NPFFR2: variants seen among roughly 807,000 people sequenced by gnomAD.
NPFFR2 encodes the protein G-protein coupled receptor 74.
Under a neutral mutation model 13.1 loss-of-function variants are expected in NPFFR2, and 15 were observed. That is an observed-to-expected ratio of 1.15 (90% confidence interval 0.77 to 1.76). The LOEUF is 1.76. Among genes scored for constraint, NPFFR2 ranks in the 40% most tolerant of loss-of-function variants. The pLI is 0.00. For missense variants in NPFFR2, 572 were observed against 503.5 expected (o/e 1.14, Z -1.30); for synonymous variants, 190 against 175.7 (o/e 1.08, Z -0.65).
chr4:72,079,885 T>C (rs1720555476), intron 1 of NPFFR2, among the ~76,000 whole-genome samples: 1 of 152,150 alleles, frequency 6.6e-6, no homozygotes, highest in African/African-American at 2.4e-5. Context: ...GATTGTCAGA[T>C]TTTACTTGTT....
intron 1 of NPFFR2, among the ~76,000 whole-genome samples, chr4:72,102,417 T>C (rs1250969720): frequency 6.6e-6 from 1 of 152,078 alleles, no homozygotes; most frequent in African/African-American, 2.4e-5. Flanking sequence ...AGGGTACGTA[T>C]GCACAACATG....
At chr4:72,078,770 A>G (rs1720514736) in intron 1 of NPFFR2, among the ~76,000 whole-genome samples, 1 of 152,156 alleles carries the variant, frequency 6.6e-6, no homozygotes, top group Non-Finnish European at 1.5e-5. Flanking sequence ...AAACATACCC[A>G]AATTTTTGAC....
intron 1 of NPFFR2, among the ~76,000 whole-genome samples, chr4:72,110,215 G>A (rs934361321): frequency 1.3e-5 from 2 of 151,828 alleles, no homozygotes; most frequent in African/African-American, 4.8e-5. Context: ...TTTTATAAGG[G>A]GCTTTTCCCT....
Position 72,067,382 on chromosome 4 carries a change from C to T in NPFFR2, c.-8+35182C>T, listed in dbSNP as rs1234380356. ...TCTTCCAGCTTTTCTGTTCTCAAGG[C>T]CTAGCACTCTGGGTGTTTGATGGGT... On this transcript the variant is annotated intron_variant, in intron 1 of 3. Transcript: ENST00000308744. 2.6e-5 allele frequency among the ~76,000 whole-genome samples: 4 copies of T among 152,148 alleles called. No individual in the cohort carries two copies. In the East Asian group the frequency reaches 7.7e-4, roughly 29 times the overall value.
chr4:72,032,831 A>C (rs1718960636), intron 1 of NPFFR2, among the ~76,000 whole-genome samples: 1 of 152,148 alleles, frequency 6.6e-6, no homozygotes, highest in Non-Finnish European at 1.5e-5. Flanking sequence ...GAGGAGAGGA[A>C]AATGATCTTC....
chr4:72,088,661 A>G (rs1203236401), intron 1 of NPFFR2, among the ~76,000 whole-genome samples: 4 of 152,006 alleles, frequency 2.6e-5, no homozygotes, highest in African/African-American at 9.7e-5. Flanking sequence ...GGGAAGCAAC[A>G]CGTCTTACAT....
At chr4:72,072,694 A>G (rs1720294968) in intron 1 of NPFFR2, among the ~76,000 whole-genome samples, 1 of 152,146 alleles carries the variant, frequency 6.6e-6, no homozygotes, top group South Asian at 2.1e-4. Flanking sequence ...ATAATGAAAG[A>G]TATGGAAATA....
intron 1 of NPFFR2, among the ~76,000 whole-genome samples, chr4:72,121,659 T>C (rs1360470803): frequency 6.6e-6 from 1 of 152,166 alleles, no homozygotes; most frequent in African/African-American, 2.4e-5. Flanking sequence ...CTAAGCTTCA[T>C]AAGTGAAGGA....
intron 1 of NPFFR2, among the ~76,000 whole-genome samples, chr4:72,043,279 CTAGGGTAG>C: frequency 7.3e-6 from 1 of 137,636 alleles, no homozygotes; most frequent in South Asian, 2.3e-4. Context: ...GGAGAACCTG[CTAGGGTAG>C]TGCAGAAGGG....
At chr4:72,117,693 C>T (rs1174881999) in intron 1 of NPFFR2, among the ~76,000 whole-genome samples, 1 of 152,168 alleles carries the variant, frequency 6.6e-6, no homozygotes, top group Non-Finnish European at 1.5e-5. Flanking sequence ...AAGATGTTCC[C>T]TCACTTCCAA....
chr4:72,093,162 A>G (rs1241170870), intron 1 of NPFFR2, among the ~76,000 whole-genome samples: 2 of 152,174 alleles, frequency 1.3e-5, no homozygotes, highest in Non-Finnish European at 2.9e-5. Context: ...TAGGACCCCA[A>G]CCCTTTTAGC....
At chr4:72,041,025 G>T (rs890035018) in intron 1 of NPFFR2, among the ~76,000 whole-genome samples, 2 of 151,790 alleles carry the variant, frequency 1.3e-5, no homozygotes, top group African/African-American at 4.8e-5. Flanking sequence ...TATTCAGGGG[G>T]TACATGTGCT....
chr4:72,142,499 C>G (rs1204948047), intron 3 of NPFFR2, among the ~76,000 whole-genome samples: 1 of 152,096 alleles, frequency 6.6e-6, no homozygotes, highest in African/African-American at 2.4e-5. Context: ...CAGAAATAAC[C>G]CATCTTCTGC....
In NPFFR2 at chr4:72,051,010, CATT is replaced by C. The variant is rs564250358; in HGVS notation, c.-8+18811_-8+18813del. ...GCTACATTTTCTTAATCCAGTCTAT[CATT>C]GTTGTACATTTGGGTTGGTTCCAAG... On this transcript the variant is annotated intron_variant, in intron 1 of 3. Coordinates refer to ENST00000308744, the MANE Select transcript of NPFFR2 (RefSeq NM_004885.3). Among the ~76,000 whole-genome samples the C allele has an allele frequency of 3.1e-3, 477 of 152,062 alleles. 3 individuals are homozygous for C. The highest frequency in any genetic ancestry group is 0.011 in the African/African-American group (440 of 41,484).
At chr4:72,093,007 T>C (rs1393082840) in intron 1 of NPFFR2, among the ~76,000 whole-genome samples, 1 of 152,058 alleles carries the variant, frequency 6.6e-6, no homozygotes, top group Non-Finnish European at 1.5e-5. Flanking sequence ...CCTTTTAACA[T>C]TTTTTATAGT....
intron 1 of NPFFR2, among the ~76,000 whole-genome samples, chr4:72,085,427 G>A (rs1720739896): frequency 6.6e-6 from 1 of 152,052 alleles, no homozygotes; most frequent in African/African-American, 2.4e-5. Context: ...TCAGCCACAA[G>A]CTTTTTTTTC....
chr4:72,128,587 T>A lies in NPFFR2; in HGVS notation c.-5T>A. ...TTTTCTGTCTCTTCTTTATTAAGGT[T>A]CATCATGAATGAGAAATGGGACACA... On this transcript the variant is annotated splice_region_variant and 5_prime_UTR_variant, in exon 2 of 4. Coordinates refer to ENST00000308744, the MANE Select transcript of NPFFR2 (RefSeq NM_004885.3). The A allele has an allele frequency of 6.3e-7, 1 of 1,585,896 alleles. No individual in the cohort carries two copies. Among genetic ancestry groups the A allele is most frequent in the South Asian group, 1.1e-5 (1 of 87,906 alleles).
intron 1 of NPFFR2, among the ~76,000 whole-genome samples, chr4:72,072,968 G>A (rs1720305383): frequency 6.6e-6 from 1 of 152,062 alleles, no homozygotes; most frequent in South Asian, 2.1e-4. Context: ...CTATTTATCA[G>A]TAATTGCTTT....
intron 1 of NPFFR2, among the ~76,000 whole-genome samples, chr4:72,103,779 A>C (rs1721327766): frequency 6.6e-6 from 1 of 152,134 alleles, no homozygotes; most frequent in Admixed American, 6.6e-5. Context: ...TGTCTTTATC[A>C]GAAACAAAAA....
Sources: allele counts gnomAD v4.1 joint callset (sites outside exome capture counted in the v4.1 genomes callset), GRCh38; gene constraint gnomAD v4.1.1; transcripts MANE v1.5; gene names NCBI Gene and HGNC (gene_info 2026-07-23, HGNC 2026-07-21).